The following ADAMTSL1 variants were observed in gnomAD, a reference collection of about 807,000 sequenced individuals.
The protein encoded by ADAMTSL1 is ADAMTS-like protein 1.
Under a neutral mutation model 201.8 loss-of-function variants are expected in ADAMTSL1, and 126 were observed. That is an observed-to-expected ratio of 0.62 (90% CI 0.54 to 0.72). The LOEUF (loss-of-function observed/expected upper bound fraction) is 0.72, where lower values mean the gene tolerates loss of function less well. Ranked by LOEUF, ADAMTSL1 falls within the 30% of genes least tolerant of loss-of-function variation. ADAMTSL1 has a pLI of 0.00. For synonymous variants in ADAMTSL1, 1,121 were observed against 903.4 expected (o/e 1.24, Z -4.32); for missense variants, 2,679 against 2,277.8 (o/e 1.18, Z -3.59).
At chr9:18,745,951 C>T (rs1433805405) in intron 15 of ADAMTSL1, among the ~76,000 whole-genome samples, 3 of 152,306 alleles carry the variant, frequency 2.0e-5, no homozygotes, top group African/African-American at 7.2e-5. Flanking sequence ...CACCAAACCT[C>T]ACACTAAAGT....
chr9:18,419,363 T>C, intron 2 of ADAMTSL1, among the ~76,000 whole-genome samples: 1 of 148,206 alleles, frequency 6.7e-6, no homozygotes, highest in Admixed American at 6.9e-5. Context: ...ATCAGAACTA[T>C]TAATTGGACT....
At chr9:18,763,375 G>A (rs944003769) in intron 16 of ADAMTSL1, among the ~76,000 whole-genome samples, 7 of 152,098 alleles carry the variant, frequency 4.6e-5, no homozygotes, top group South Asian at 2.1e-4. Flanking sequence ...AGAGTTGTTT[G>A]AGCTCCTTAT....
At chr9:18,525,366 A>G (rs1818971019) in intron 2 of ADAMTSL1, among the ~76,000 whole-genome samples, 2 of 151,846 alleles carry the variant, frequency 1.3e-5, no homozygotes, top group South Asian at 4.2e-4. Flanking sequence ...TGGTCTATCA[A>G]TTTTGTTGAT....
chr9:18,487,123 C>T (rs1163776629), intron 1 of ADAMTSL1, among the ~76,000 whole-genome samples: 1 of 152,118 alleles, frequency 6.6e-6, no homozygotes, highest in Non-Finnish European at 1.5e-5. Context: ...TGAAATTCCT[C>T]AATTTATCAT....
chr9:18,799,440 A>T (rs1163658117), intron 20 of ADAMTSL1, among the ~76,000 whole-genome samples: 1 of 152,212 alleles, frequency 6.6e-6, no homozygotes. Flanking sequence ...AGTAGTTTCC[A>T]GGTAAATTGC....
chr9:18,797,418 CAT>C (rs1440305954), intron 20 of ADAMTSL1, among the ~76,000 whole-genome samples: 1 of 152,220 alleles, frequency 6.6e-6, no homozygotes, highest in Non-Finnish European at 1.5e-5. Flanking sequence ...CCCTCTGCCA[CAT>C]GTTGTGGAAC....
At chr9:18,048,792 A>G (rs1011645338) in intron 1 of ADAMTSL1, among the ~76,000 whole-genome samples, 2 of 152,170 alleles carry the variant, frequency 1.3e-5, no homozygotes, top group African/African-American at 2.4e-5. Flanking sequence ...GTGCTTCAGG[A>G]AGACTGTCCA....
chr9:18,689,283 C>T (rs138437185), intron 13 of ADAMTSL1, among the ~76,000 whole-genome samples: 33 of 152,186 alleles, frequency 2.2e-4, no homozygotes, highest in African/African-American at 3.6e-4. Context: ...GTATCACCCA[C>T]GCAAGTACAT....
intron 1 of ADAMTSL1, among the ~76,000 whole-genome samples, chr9:18,486,520 A>G (rs527614693): frequency 2.6e-5 from 4 of 152,204 alleles, no homozygotes; most frequent in Non-Finnish European, 5.9e-5. Flanking sequence ...CCTGGGCAAC[A>G]TGGCAAAACC....
intron 15 of ADAMTSL1, among the ~76,000 whole-genome samples, chr9:18,736,464 A>G (rs1818505200): frequency 6.6e-6 from 1 of 152,232 alleles, no homozygotes; most frequent in Non-Finnish European, 1.5e-5. Flanking sequence ...TTAACTTAAT[A>G]GAAGTTGACA....
chr9:18,023,159 T>C (rs1047737326), intron 1 of ADAMTSL1, among the ~76,000 whole-genome samples: 4 of 152,106 alleles, frequency 2.6e-5, no homozygotes, highest in Admixed American at 6.6e-5. Context: ...TGTATATGTA[T>C]GTCTGCGAAA....
At chr9:18,219,596 T>C (rs988877272) in intron 2 of ADAMTSL1, among the ~76,000 whole-genome samples, 2 of 152,112 alleles carry the variant, frequency 1.3e-5, no homozygotes, top group African/African-American at 4.8e-5. Context: ...CTCGAACTCC[T>C]GACCTCAGAT....
chr9:18,539,075 A>G (rs1427359245), intron 3 of ADAMTSL1, among the ~76,000 whole-genome samples: 1 of 152,208 alleles, frequency 6.6e-6, no homozygotes, highest in East Asian at 1.9e-4. Flanking sequence ...GAAGTAGGCT[A>G]CTAAACTTTC....
chr9:18,763,101 T>G (rs1055904328), intron 16 of ADAMTSL1, among the ~76,000 whole-genome samples: 19 of 152,226 alleles, frequency 1.2e-4, no homozygotes, highest in African/African-American at 2.9e-4. Flanking sequence ...CCATAGTGGT[T>G]GTACTAATTT....
intron 1 of ADAMTSL1, among the ~76,000 whole-genome samples, chr9:18,002,873 G>C (rs1335072267): frequency 6.6e-6 from 1 of 151,932 alleles, no homozygotes; most frequent in Non-Finnish European, 1.5e-5. Context: ...GGCAGAATTG[G>C]GCTAAAACCA....
chr9:18,482,539 A>T (rs1355229283), intron 1 of ADAMTSL1, among the ~76,000 whole-genome samples: 3 of 152,192 alleles, frequency 2.0e-5, no homozygotes, highest in African/African-American at 7.2e-5. Context: ...GAGCGTGATA[A>T]CCTAAGACAT....
chr9:18,005,746 C>T (rs1030392448), intron 1 of ADAMTSL1, among the ~76,000 whole-genome samples: 1 of 151,976 alleles, frequency 6.6e-6, no homozygotes, highest in African/African-American at 2.4e-5. Context: ...AGAGGCAGAA[C>T]AGTCTTTAGT....
At chr9:18,262,033 T>G (rs945166302) in intron 2 of ADAMTSL1, among the ~76,000 whole-genome samples, 1 of 152,196 alleles carries the variant, frequency 6.6e-6, no homozygotes, top group African/African-American at 2.4e-5. Flanking sequence ...TAACTAGACA[T>G]GCCGGGACTT....
chr9:18,832,460 G>A (rs1363046576), intron 23 of ADAMTSL1, among the ~76,000 whole-genome samples: 1 of 152,150 alleles, frequency 6.6e-6, no homozygotes, highest in African/African-American at 2.4e-5. Flanking sequence ...ATCTTTCGAG[G>A]GTTTTTAAAT....
Sources: gnomAD v4.1 joint callset for allele counts (sites outside exome capture counted in the v4.1 genomes callset) on GRCh38, gnomAD v4.1.1 for gene constraint, MANE v1.5 for transcripts, NCBI Gene and HGNC (gene_info 2026-07-23, HGNC 2026-07-21) for gene names.